Variants in CD8B observed in about 807,000 individuals in gnomAD.
CD8B encodes the protein T-cell surface glycoprotein CD8 beta chain.
A neutral mutation model predicts 24.2 loss-of-function variants in CD8B; 6 were observed. That is an observed-to-expected ratio of 0.25 (90% confidence interval 0.14 to 0.49). The LOEUF is 0.49. CD8B is among the 20% of genes least tolerant of loss of function. The probability of loss-of-function intolerance (pLI) is 0.98; values close to 1 mark genes in which losing one functional copy is unlikely to be tolerated. For missense variants in CD8B, 196 were observed against 271.3 expected (o/e 0.72, Z 1.95); for synonymous variants, 84 against 108.3 (o/e 0.78, Z 1.39).
At chr2:86,858,478 A>G in intron 1 of CD8B, 62 bp from the exon 2 acceptor site, 1 of 1,506,426 alleles carries the variant, frequency 6.6e-7, no homozygotes, top group South Asian at 1.3e-5. Context: ...GGGACCTTGC[A>G]GTCACACTGA....
Position 86,855,772 on chromosome 2 carries a change from G to A in CD8B, c.403+2285C>T, listed in dbSNP as rs560797865. 4.3e-3 allele frequency among the ~76,000 whole-genome samples: 662 copies of A among 152,280 alleles called. 7 individuals carry two copies. The highest frequency in any genetic ancestry group is 0.015 in the African/African-American group (607 of 41,542). On this transcript the variant is annotated intron_variant, in intron 2 of 5. Transcript: ENST00000390655. The stretch of plus-strand genomic sequence containing the variant: ...ACTTATTTTCTACCCGAGGAAGCAG[G>A]GACGTCTTTCAGATGGTCAGTGGTG...
intron 3 of CD8B, among the ~76,000 whole-genome samples, chr2:86,848,882 G>T (rs1434931862): frequency 6.6e-6 from 1 of 152,134 alleles, no homozygotes; most frequent in Admixed American, 6.6e-5. Flanking sequence ...ACACCTGGCT[G>T]ATTTTTGTGT....
intron 3 of CD8B, among the ~76,000 whole-genome samples, chr2:86,849,146 G>T (rs1237834175): frequency 6.6e-6 from 1 of 152,266 alleles, no homozygotes; most frequent in East Asian, 1.9e-4. Context: ...CAGATCCTCC[G>T]AGTTCCAAGC....
chr2:86,852,965 T>C (rs1413926586), intron 3 of CD8B, 32 bp downstream of exon 3: 4 of 1,440,912 alleles, frequency 2.8e-6, no homozygotes, highest in Admixed American at 4.8e-5. Context: ...GTCTGCCTTG[T>C]TTCTGAGGGT....
rs572147870 is a variant in CD8B at position 86,842,024 on chromosome 2, G to A, written c.*283C>T. 74 of 1,184,742 alleles carry A rather than the reference G, an allele frequency of 6.2e-5. No homozygotes were observed. Among genetic ancestry groups the A allele is most frequent in the South Asian group, 1.7e-4 (5 of 29,344 alleles). 73.4% of individuals were successfully genotyped at this position (1,184,742 alleles called of 1,614,324 possible). On this transcript the variant is annotated 3_prime_UTR_variant, in exon 6 of 6. Transcript: ENST00000390655. ...CCAGTTCAGGGAAAGCACAGGAGCC[G>A]GAAGCGGTGGCATGGGCAGCATTTC...
In CD8B at chr2:86,838,990, A is replaced by G. The variant is rs536576890; in HGVS notation, c.*3317T>C. On this transcript the variant is annotated 3_prime_UTR_variant, in exon 6 of 6. Transcript: ENST00000390655. ...ACTCATATAAGTGATTCCCAGATTG[A>G]GAAGCAGAAATGCTCACCTTCAAAC... 1.9e-3 allele frequency among the ~76,000 whole-genome samples: 288 copies of G among 152,348 alleles called. 2 individuals are homozygous for G. Among genetic ancestry groups the G allele is most frequent in the African/African-American group, 6.2e-3 (259 of 41,586 alleles).
At chr2:86,849,672 T>A (rs1675876014) in intron 3 of CD8B, among the ~76,000 whole-genome samples, 1 of 151,574 alleles carries the variant, frequency 6.6e-6, no homozygotes, top group African/African-American at 2.4e-5. Flanking sequence ...GGGTGAACTT[T>A]GCGGTATGCA....
In CD8B at chr2:86,839,931, A is replaced by C. The variant is rs1573507737; in HGVS notation, c.*2376T>G. Among the ~76,000 whole-genome samples the C allele has an allele frequency of 2.6e-5, 4 of 152,050 alleles. No homozygotes were observed. In the South Asian group the frequency reaches 8.3e-4, roughly 32 times the overall value. The stretch of plus-strand genomic sequence containing the variant: ...ACCCTAGAGGAGTCTGGTCCAGCTG[A>C]CCCCAATTCTTTCACCCCTCCCCTC... On this transcript the variant is annotated 3_prime_UTR_variant, in exon 6 of 6. Coordinates refer to ENST00000390655, the MANE Select transcript of CD8B (RefSeq NM_004931.5).
In CD8B at chr2:86,844,943, G is replaced by A. The variant is rs1368571744; in HGVS notation, c.599C>T (p.Ala200Val). Residue 200 changes from alanine to valine, a missense_variant, in exon 5 of 6, where the codon GCC becomes GTC. Coordinates refer to ENST00000390655, the MANE Select transcript of CD8B (RefSeq NM_004931.5). ...TTACTGTTTCATGAAACGAAGCCGG[G>A]CTCTCCTCCGCCGGCCTGGAAGAGG... is the stretch of plus-strand genomic sequence containing the variant. ...AIHLCCRRRR[A>V]RLRFMKQFYK is the part of the protein sequence containing the mutation. 9.6e-6 allele frequency: 15 copies of A among 1,556,136 alleles called. No individual in the cohort carries two copies. Among genetic ancestry groups the A allele is most frequent in the East Asian group, 2.4e-5 (1 of 41,284 alleles).
intron 3 of CD8B, among the ~76,000 whole-genome samples, chr2:86,847,934 T>C: frequency 6.6e-6 from 1 of 152,246 alleles, no homozygotes. Flanking sequence ...TTTGTACCTT[T>C]ATTTTTTCAA....
At chr2:86,856,322 A>G (rs550313854) in intron 2 of CD8B, among the ~76,000 whole-genome samples, 8 of 152,242 alleles carry the variant, frequency 5.3e-5, no homozygotes, top group African/African-American at 1.7e-4. Flanking sequence ...CTGAAATCTC[A>G]TGAGTGGAAA....
At chr2:86,832,216 C>T (rs746996739) in intron 5 of CD8B, among the ~76,000 whole-genome samples, 8 of 152,242 alleles carry the variant, frequency 5.3e-5, no homozygotes, top group South Asian at 2.1e-4. Context: ...CAGTGGCTCA[C>T]GCCTGTAATC....
intron 5 of CD8B, among the ~76,000 whole-genome samples, chr2:86,820,591 A>G (rs1325478121): frequency 1.3e-5 from 2 of 152,196 alleles, no homozygotes; most frequent in Non-Finnish European, 2.9e-5. Flanking sequence ...TTATAGGGTA[A>G]ACATAACTTT....
chr2:86,861,805 C>T lies in CD8B; in HGVS notation c.43+18G>A, dbSNP rs1009398775. ...CGGGAGCGCAGACCCTTGGGTAGCC[C>T]GCGCGCCGCCGCCTTACCTGTCAGC... On this transcript the variant is annotated intron_variant, in intron 1 of 5. Coordinates refer to ENST00000390655, the MANE Select transcript of CD8B (RefSeq NM_004931.5). 1 of 1,271,330 alleles carries T rather than the reference C, an allele frequency of 7.9e-7. No individual in the cohort carries two copies. Among genetic ancestry groups the T allele is most frequent in the African/African-American group, 1.5e-5 (1 of 64,700 alleles). 78.8% of individuals were successfully genotyped at this position (1,271,330 alleles called of 1,614,324 possible).
chr2:86,858,155 T>A lies in CD8B; in HGVS notation c.305A>T (p.Asn102Ile), dbSNP rs1412857667. The change falls in exon 2 of 6, where the codon AAT (asparagine) becomes ATT (isoleucine). Residue 102 changes from asparagine (N) to isoleucine (I), a missense_variant. Physicochemically the swap from Asn to Ile is moderately radical, Grantham distance 149 (BLOSUM62 -3). Transcript: ENST00000390655. Reference protein sequence around the residue: ...VFRDASRFILNLTSVKPEDSG... With the variant: ...VFRDASRFILILTSVKPEDSG... Reference sequence around the variant, plus strand: ...GTCTTCCGGCTTCACGCTTGTGAGATTGAGAATGAACCGGCTTGCATCCCG... The same window carrying A: ...GTCTTCCGGCTTCACGCTTGTGAGAATGAGAATGAACCGGCTTGCATCCCG... 4 of 1,613,974 alleles carry A rather than the reference T, an allele frequency of 2.5e-6. No individual in the cohort carries two copies. The South Asian group carries it at 4.4e-5, about 18-fold the overall frequency.
chr2:86,848,484 T>G (rs1675798273), intron 3 of CD8B, among the ~76,000 whole-genome samples: 1 of 152,012 alleles, frequency 6.6e-6, no homozygotes, highest in South Asian at 2.1e-4. Context: ...TCTGACACCC[T>G]TCAGGCCCCT....
chr2:86,826,406 C>G (rs372784780), intron 5 of CD8B, among the ~76,000 whole-genome samples: 3 of 152,024 alleles, frequency 2.0e-5, no homozygotes, highest in African/African-American at 7.2e-5. Flanking sequence ...ATGTGCAGGT[C>G]GGTAAGTGAG....
chr2:86,824,242 G>C (rs765786400), intron 5 of CD8B, among the ~76,000 whole-genome samples: 1 of 152,092 alleles, frequency 6.6e-6, no homozygotes, highest in Non-Finnish European at 1.5e-5. Context: ...TCTGGGCCAG[G>C]TACTGTGAGG....
chr2:86,836,723 G>A (rs1231494936), downstream of CD8B, among the ~76,000 whole-genome samples: 15 of 152,118 alleles, frequency 9.9e-5, no homozygotes, highest in Non-Finnish European at 1.9e-4. Context: ...CCATGATGGC[G>A]CCACTGCACA....
Sources: gnomAD v4.1 joint callset for allele counts (sites outside exome capture counted in the v4.1 genomes callset) on GRCh38, gnomAD v4.1.1 for gene constraint, MANE v1.5 for transcripts, NCBI Gene and HGNC (gene_info 2026-07-23, HGNC 2026-07-21) for gene names.